The following FBXO46 variants were observed in gnomAD, a reference collection of about 807,000 sequenced individuals.
FBXO46 encodes the protein F-box only protein 46.
A neutral mutation model predicts 30.7 loss-of-function variants in FBXO46; 13 were observed. The observed-to-expected ratio is 0.42, with a 90% CI of 0.28 to 0.67. The LOEUF is 0.67. FBXO46 is among the 30% of genes least tolerant of loss of function. The pLI, the probability that FBXO46 is intolerant of heterozygous loss-of-function variation, is 0.21. For missense variants in FBXO46, 754 were observed against 871.5 expected, an observed-to-expected ratio of 0.87 and a Z score of 1.70; for synonymous variants, 467 against 385.8, an observed-to-expected ratio of 1.21 and a Z score of -2.47.
chr19:45,727,571 A>G (rs1302457142), intron 1 of FBXO46, among the ~76,000 whole-genome samples: 2 of 151,404 alleles, frequency 1.3e-5, no homozygotes, highest in African/African-American at 4.8e-5. Context: ...AAAAAAAAAA[A>G]GGGAAAAGAA....
At position 45,711,943 on chromosome 19, in the gene FBXO46, C is replaced by G; in HGVS notation, c.1553G>C (p.Arg518Pro). The change falls in exon 2 of 2, where the codon CGC becomes CCC. Residue 518 changes from arginine to proline, a missense_variant. Arg to Pro is a moderately radical substitution (Grantham distance 103, BLOSUM62 -2). Coordinates refer to ENST00000317683, the MANE Select transcript of FBXO46 (RefSeq NM_001080469.2). ...GCGGTAGAGCGGGTCTCGGCTCCAG[C>G]GCGAGTCTGTGGCCCGCACGCCAAA... ...EAFGVRATDSRWSRDPLYRDD... is the reference protein window; with the variant it reads ...EAFGVRATDSPWSRDPLYRDD... 1.2e-6 allele frequency: 2 copies of G among 1,613,166 alleles called. No homozygotes were observed. Among genetic ancestry groups the G allele is most frequent in the Non-Finnish European group, 1.7e-6 (2 of 1,179,772 alleles).
Position 45,711,789 on chromosome 19 carries a change from G to A in FBXO46, c.1707C>T (p.Ala569=), listed in dbSNP as rs1211229315. The A allele has an allele frequency of 6.2e-7, 1 of 1,607,384 alleles. No homozygotes were observed. Among genetic ancestry groups the A allele is most frequent in the Non-Finnish European group, 8.5e-7 (1 of 1,178,120 alleles). Residue 569 remains alanine (A), a synonymous_variant, in exon 2 of 2, where the codon GCC becomes GCT. Coordinates refer to ENST00000317683, the MANE Select transcript of FBXO46 (RefSeq NM_001080469.2). The part of the protein sequence containing the change: ...GRSYWMCCRR[A]DRETPGCRLG... ...GGCGGCAGCCGGGAGTCTCGCGGTC[G>A]GCTCGACGGCAGCACATCCAGTAGG...
At position 45,713,968 on chromosome 19, in the gene FBXO46, C is replaced by CAAAA. The variant is rs34349746; in HGVS notation, c.-78-399_-78-396dup. 2.3e-4 allele frequency among the ~76,000 whole-genome samples: 17 copies of CAAAA among 73,098 alleles called. No homozygotes were observed. Among genetic ancestry groups the CAAAA allele is most frequent in the Admixed American group, 5.3e-4 (3 of 5,616 alleles). 48.0% of individuals were successfully genotyped at this position (73,098 alleles called of 152,430 possible). On this transcript the variant is annotated intron_variant, in intron 1 of 1. Coordinates refer to ENST00000317683, the MANE Select transcript of FBXO46 (RefSeq NM_001080469.2). The surrounding 1 kb of genome is among the most constrained non-coding windows in gnomAD (Gnocchi z 4.7). Reference sequence around the variant, plus strand: ...GGGCGACAAGAGCGAAACTCCGTCTCAAAAAAAAAAAAAAAAAAAAAAAGA... The same window carrying CAAAA: ...GGGCGACAAGAGCGAAACTCCGTCTCAAAAAAAAAAAAAAAAAAAAAAAAAAAGA...
intron 1 of FBXO46, among the ~76,000 whole-genome samples, chr19:45,722,969 G>C (rs182457865): frequency 7.2e-5 from 11 of 152,096 alleles, no homozygotes; most frequent in Admixed American, 3.9e-4. Context: ...CAGGAGAATC[G>C]CTTGAACCTG....
At chr19:45,719,466 C>T (rs1278576390) in intron 1 of FBXO46, among the ~76,000 whole-genome samples, 3 of 152,078 alleles carry the variant, frequency 2.0e-5, no homozygotes, top group Non-Finnish European at 2.9e-5. Flanking sequence ...ACCATCTCTA[C>T]ACATGACAGC....
chr19:45,711,519 G>T lies in FBXO46; in HGVS notation c.*165C>A. ...AGTAGAAAATCAACAGGATCAAGCA[G>T]AGGGCTTTCCTGGGTCACCCCTGCT... On this transcript the variant is annotated 3_prime_UTR_variant, in exon 2 of 2. Coordinates refer to ENST00000317683, the MANE Select transcript of FBXO46 (RefSeq NM_001080469.2). The T allele has an allele frequency of 1.4e-6, 1 of 709,336 alleles. No homozygotes were observed. The highest frequency in any genetic ancestry group is 1.5e-5 in the South Asian group (1 of 66,886). The allele number at this position is 709,336 out of a possible 1,614,324, so 43.9% of individuals were successfully genotyped here.
chr19:45,722,661 C>T lies in FBXO46; in HGVS notation c.-79+8188G>A, dbSNP rs372273728. ...CCTGTAGTCCCAGCTACTCAGGAGG[C>T]TGAGGCAGGAGAATGGCGTGAACCC... On this transcript the variant is annotated intron_variant, in intron 1 of 1. Coordinates refer to ENST00000317683, the MANE Select transcript of FBXO46 (RefSeq NM_001080469.2). 1.6e-4 allele frequency among the ~76,000 whole-genome samples: 25 copies of T among 152,094 alleles called. No individual in the cohort carries two copies. In the East Asian group the frequency reaches 2.1e-3, roughly 13 times the overall value.
In FBXO46 at chr19:45,711,922, T is replaced by A; in HGVS notation, c.1574A>T (p.Tyr525Phe). 1 of 1,613,530 alleles carries A rather than the reference T, an allele frequency of 6.2e-7. No homozygotes were observed. Among genetic ancestry groups the A allele is most frequent in the Non-Finnish European group, 8.5e-7 (1 of 1,179,798 alleles). ...TDSRWSRDPL[Y>F]RDDPCKQCRK... is the part of the protein sequence containing the mutation. ...GCACTGTTTGCACGGATCATCGCGG[T>A]AGAGCGGGTCTCGGCTCCAGCGCGA... The change falls in exon 2 of 2, where the codon TAC becomes TTC. Residue 525 changes from tyrosine to phenylalanine, a missense_variant. Transcript: ENST00000317683.
intron 1 of FBXO46, among the ~76,000 whole-genome samples, chr19:45,725,363 C>A (rs1265980814): frequency 6.6e-6 from 1 of 151,362 alleles, no homozygotes; most frequent in African/African-American, 2.4e-5. Flanking sequence ...CACAGTGAGC[C>A]AAGATAGTGC....
chr19:45,726,126 G>T (rs1333808647), intron 1 of FBXO46, among the ~76,000 whole-genome samples: 1 of 152,160 alleles, frequency 6.6e-6, no homozygotes, highest in Non-Finnish European at 1.5e-5. Flanking sequence ...CGGATCATTT[G>T]AGCATAGGAG....
At chr19:45,728,827 G>T (rs988966739) in intron 1 of FBXO46, among the ~76,000 whole-genome samples, 1 of 152,140 alleles carries the variant, frequency 6.6e-6, no homozygotes, top group Non-Finnish European at 1.5e-5. Flanking sequence ...GCAACAGAGC[G>T]AGACCCTGTC....
At position 45,712,907 on chromosome 19, in the gene FBXO46, C is replaced by A. The variant is rs1347092274; in HGVS notation, c.589G>T (p.Ala197Ser). Reference sequence around the variant, plus strand: ...TCGGCGGACACAAAGACTACAGGCGCTGGGGTGGTCGGTCGTGGGTAGCTC... The same window carrying A: ...TCGGCGGACACAAAGACTACAGGCGATGGGGTGGTCGGTCGTGGGTAGCTC... ...LQSYPRPTTP[A>S]PVVFVSAEQG... Residue 197 changes from alanine (A) to serine (S), a missense_variant, in exon 2 of 2, where the codon GCG (alanine) becomes TCG (serine). Coordinates refer to ENST00000317683, the MANE Select transcript of FBXO46 (RefSeq NM_001080469.2). This position sits in a 1 kb window ranked among gnomAD's most constrained non-coding sequence, Gnocchi z 8.8. 6.2e-7 allele frequency: 1 copy of A among 1,612,052 alleles called. No individual in the cohort carries two copies. The highest frequency in any genetic ancestry group is 8.5e-7 in the Non-Finnish European group (1 of 1,179,256).
rs1362717893 is a variant in FBXO46 at position 45,711,102 on chromosome 19, T to C, written c.*582A>G. On this transcript the variant is annotated 3_prime_UTR_variant, in exon 2 of 2. Transcript: ENST00000317683. ...CTTGAGGTTAAGGAGAAAACAGTAT[T>C]TCCCCCCCACTTCTTTAATAGGCAA... 7.3e-5 allele frequency: 26 copies of C among 357,076 alleles called. 1 individual carries two copies. The highest frequency in any genetic ancestry group is 3.1e-4 in the South Asian group (15 of 48,240). The allele number at this position is 357,076 out of a possible 1,614,324, so 22.1% of individuals were successfully genotyped here. A position where few individuals can be genotyped will look rare whatever the true frequency, so the allele number is the denominator to read the frequency against.
chr19:45,722,939 T>C (rs190247909), intron 1 of FBXO46, among the ~76,000 whole-genome samples: 10 of 151,210 alleles, frequency 6.6e-5, no homozygotes, highest in Admixed American at 4.0e-4. Context: ...CTATAATCCC[T>C]GCTACTCGGG....
intron 1 of FBXO46, among the ~76,000 whole-genome samples, chr19:45,724,677 C>T (rs886906555): frequency 1.3e-5 from 2 of 151,988 alleles, no homozygotes; most frequent in Non-Finnish European, 2.9e-5. Context: ...CTGTTCGAGA[C>T]GGAGGCCTGC....
At chr19:45,722,845 C>A (rs143109773) in intron 1 of FBXO46, among the ~76,000 whole-genome samples, 33 of 151,252 alleles carry the variant, frequency 2.2e-4, no homozygotes, top group Non-Finnish European at 4.4e-5. Context: ...CACTTGAGGT[C>A]AGGATGAGAC....
At chr19:45,726,501 A>T (rs931650892) in intron 1 of FBXO46, among the ~76,000 whole-genome samples, 1 of 152,082 alleles carries the variant, frequency 6.6e-6, no homozygotes, top group African/African-American at 2.4e-5. Context: ...TATAAAAATT[A>T]GCAGGGCATA....
chr19:45,719,426 A>G (rs1194910098), intron 1 of FBXO46, among the ~76,000 whole-genome samples: 1 of 151,890 alleles, frequency 6.6e-6, no homozygotes, highest in African/African-American at 2.4e-5. Context: ...TCCAAATACT[A>G]TGGCTTCCAA....
chr19:45,712,841 ACCGCCGTTCAGATC>A lies in FBXO46; in HGVS notation c.641_654del (p.Gly214ValfsTer17). On this transcript the variant is annotated frameshift_variant, in exon 2 of 2. Transcript: ENST00000317683. LOFTEE classifies it high-confidence loss of function. This position sits in a 1 kb window ranked among gnomAD's most constrained non-coding sequence, Gnocchi z 8.8. ...ACACGGCTGCAGTCCCCACCACCGG[ACCGCCGTTCAGATC>A]CCACCCCCTTGGCCGGTCCACCTTG... is the stretch of plus-strand genomic sequence containing the variant. 6.2e-7 allele frequency: 1 copy of A among 1,612,866 alleles called. No homozygotes were observed. Among genetic ancestry groups the A allele is most frequent in the Non-Finnish European group, 8.5e-7 (1 of 1,179,644 alleles).
Sources: allele counts gnomAD v4.1 joint callset (sites outside exome capture counted in the v4.1 genomes callset), GRCh38; gene constraint gnomAD v4.1.1; non-coding constraint Gnocchi (gnomAD v3.1); transcripts MANE v1.5; gene names NCBI Gene and HGNC (gene_info 2026-07-23, HGNC 2026-07-21).